KCNB2: variants seen among roughly 807,000 people sequenced by gnomAD.
KCNB2 encodes delayed rectifier potassium channel protein.
KCNB2 carries 15 observed loss-of-function variants against 61.5 expected under a neutral mutation model. The ratio of observed to expected loss-of-function variants is 0.24; its 90% CI spans 0.16 to 0.38. KCNB2 has a LOEUF of 0.38. KCNB2 is among the 10% of genes least tolerant of loss of function. KCNB2 has a pLI of 1.00. For missense variants in KCNB2, 828 were observed against 1,125.2 expected (o/e 0.74, Z 3.78); for synonymous variants, 457 against 446.0 (o/e 1.02, Z -0.31).
At position 72,920,196 on chromosome 8, in the gene KCNB2, G is replaced by T. The variant is rs1806482593; in HGVS notation, c.580-15739G>T. 4.6e-5 allele frequency among the ~76,000 whole-genome samples: 7 copies of T among 151,044 alleles called. No homozygotes were observed. In the South Asian group the frequency reaches 1.5e-3, roughly 32 times the overall value. ...AAACATTTACTTAATCAAAAATTGG[G>T]TCTTTTTTCTTATTTTGAGACAAAT... On this transcript the variant is annotated intron_variant, in intron 2 of 2. Coordinates refer to ENST00000523207, the MANE Select transcript of KCNB2 (RefSeq NM_004770.3).
At chr8:72,639,872 C>T (rs905674345) in intron 2 of KCNB2, among the ~76,000 whole-genome samples, 2 of 151,336 alleles carry the variant, frequency 1.3e-5, no homozygotes, top group African/African-American at 2.4e-5. Flanking sequence ...CTGTAGCAGA[C>T]GATAAAACTA....
At chr8:72,595,169 A>T (rs1009533312) in intron 2 of KCNB2, among the ~76,000 whole-genome samples, 1 of 150,814 alleles carries the variant, frequency 6.6e-6, no homozygotes, top group African/African-American at 2.4e-5. Context: ...GCACCTCCCC[A>T]CCCCCAAGCT....
intron 1 of KCNB2, among the ~76,000 whole-genome samples, chr8:72,563,925 A>C (rs1173372581): frequency 2.6e-5 from 4 of 152,224 alleles, no homozygotes; most frequent in Non-Finnish European, 5.9e-5. Flanking sequence ...AACAATAATA[A>C]GAGCAGATCA....
At chr8:72,617,381 G>A (rs1725395203) in intron 2 of KCNB2, among the ~76,000 whole-genome samples, 1 of 152,092 alleles carries the variant, frequency 6.6e-6, no homozygotes, top group African/African-American at 2.4e-5. Context: ...GATTTGAGAT[G>A]GAGGCAAGAG....
intron 2 of KCNB2, among the ~76,000 whole-genome samples, chr8:72,849,830 C>G (rs1295184606): frequency 6.6e-6 from 1 of 152,158 alleles, no homozygotes; most frequent in Non-Finnish European, 1.5e-5. Context: ...GGGAGGCAGT[C>G]TGGAATCCTT....
chr8:72,542,700 A>C (rs890042007), intron 1 of KCNB2, among the ~76,000 whole-genome samples: 4 of 152,176 alleles, frequency 2.6e-5, no homozygotes, highest in African/African-American at 9.7e-5. Context: ...GTATTTGTAC[A>C]CAAGTAACTG....
intron 1 of KCNB2, among the ~76,000 whole-genome samples, chr8:72,541,639 G>A (rs1405901909): frequency 6.6e-6 from 1 of 152,014 alleles, no homozygotes; most frequent in Non-Finnish European, 1.5e-5. Flanking sequence ...CTTGAAAAAG[G>A]CCAAAAGTAA....
At chr8:72,676,615 T>TG in intron 2 of KCNB2, among the ~76,000 whole-genome samples, 1 of 151,828 alleles carries the variant, frequency 6.6e-6, no homozygotes, top group East Asian at 1.9e-4. Context: ...AGAATTTACA[T>TG]TTAAATATTA....
intron 2 of KCNB2, among the ~76,000 whole-genome samples, chr8:72,693,620 G>A (rs1165373584): frequency 3.3e-5 from 5 of 152,150 alleles, no homozygotes; most frequent in African/African-American, 9.7e-5. Flanking sequence ...TAGGCAGTTC[G>A]TAATATTCCA....
chr8:72,849,013 CATT>C (rs905398219), intron 2 of KCNB2, among the ~76,000 whole-genome samples: 2 of 149,944 alleles, frequency 1.3e-5, no homozygotes, highest in Non-Finnish European at 3.0e-5. Flanking sequence ...TCATCTTTAA[CATT>C]ATATAATGTA....
intron 2 of KCNB2, among the ~76,000 whole-genome samples, chr8:72,654,692 A>G (rs1051327645): frequency 1.2e-4 from 18 of 152,200 alleles, no homozygotes; most frequent in African/African-American, 4.1e-4. Flanking sequence ...ATGTGAAGTA[A>G]AAAGGCAGTG....
Position 72,830,331 on chromosome 8 carries a change from G to A in KCNB2, c.580-105604G>A, listed in dbSNP as rs140282041. ...TCTATCCAGACGATTATCCTCACCT[G>A]TGGAAATGTGCTCACTTACCCACAG... On this transcript the variant is annotated intron_variant, in intron 2 of 2. Transcript: ENST00000523207. Among the ~76,000 whole-genome samples the A allele has an allele frequency of 4.0e-5, 6 of 151,294 alleles. No individual in the cohort carries two copies. The East Asian group carries it at 9.7e-4, about 25-fold the overall frequency.
intron 2 of KCNB2, among the ~76,000 whole-genome samples, chr8:72,624,931 T>C (rs972895434): frequency 1.3e-5 from 2 of 152,208 alleles, no homozygotes; most frequent in Non-Finnish European, 2.9e-5. Flanking sequence ...CTCTTAGAGC[T>C]GAGGGAAGCC....
At chr8:72,871,736 A>G (rs1805621805) in intron 2 of KCNB2, among the ~76,000 whole-genome samples, 1 of 152,238 alleles carries the variant, frequency 6.6e-6, no homozygotes, top group Non-Finnish European at 1.5e-5. Context: ...TCTGAAATTA[A>G]AAAGGGCTTT....
intron 2 of KCNB2, among the ~76,000 whole-genome samples, chr8:72,663,651 A>G (rs1806415399): frequency 6.6e-6 from 1 of 152,214 alleles, no homozygotes; most frequent in South Asian, 2.1e-4. Flanking sequence ...GCTGTCTGGA[A>G]CAATGAAAAG....
At chr8:72,673,394 A>C (rs1159276912) in intron 2 of KCNB2, among the ~76,000 whole-genome samples, 1 of 152,132 alleles carries the variant, frequency 6.6e-6, no homozygotes, top group Non-Finnish European at 1.5e-5. Context: ...TTTGATGAGC[A>C]CTTGTTCTTC....
Position 72,744,634 on chromosome 8 carries a change from C to G in KCNB2, c.579+176321C>G, listed in dbSNP as rs545490198. Reference sequence around the variant, plus strand: ...AGAGGAAAGATGGGGAGCCTTTCCACTCCCTCTGGATACCTCTGGAAGGAA... The same window carrying G: ...AGAGGAAAGATGGGGAGCCTTTCCAGTCCCTCTGGATACCTCTGGAAGGAA... On this transcript the variant is annotated intron_variant, in intron 2 of 2. Transcript: ENST00000523207. Among the ~76,000 whole-genome samples, 285 of 152,270 alleles carry G rather than the reference C, an allele frequency of 1.9e-3. 3 individuals carry two copies. Among genetic ancestry groups the G allele is most frequent in the South Asian group, 4.3e-3 (21 of 4,828 alleles).
At chr8:72,762,921 TAAAC>T (rs991595862) in intron 2 of KCNB2, among the ~76,000 whole-genome samples, 2 of 147,266 alleles carry the variant, frequency 1.4e-5, no homozygotes, top group Admixed American at 6.8e-5. Context: ...CAAATACTCA[TAAAC>T]ATACATACAT....
intron 2 of KCNB2, among the ~76,000 whole-genome samples, chr8:72,731,354 ATTTCT>A (rs1432209110): frequency 6.6e-6 from 1 of 152,196 alleles, no homozygotes; most frequent in Non-Finnish European, 1.5e-5. Context: ...GACATAATTA[ATTTCT>A]TTTAATGATT....
Sources: allele counts gnomAD v4.1 joint callset (sites outside exome capture counted in the v4.1 genomes callset), GRCh38; gene constraint gnomAD v4.1.1; transcripts MANE v1.5; gene names NCBI Gene and HGNC (gene_info 2026-07-23, HGNC 2026-07-21).